ADAMTSL1: variants seen among roughly 807,000 people sequenced by gnomAD.
ADAMTSL1 encodes the protein ADAMTS like 1, also known as ADAMTS-like protein 1.
Under a neutral mutation model 201.8 loss-of-function variants are expected in ADAMTSL1, and 126 were observed. That is an observed-to-expected ratio of 0.62 (90% CI 0.54 to 0.72). The LOEUF (loss-of-function observed/expected upper bound fraction) is 0.72. Ranked by LOEUF, ADAMTSL1 falls within the 30% of genes least tolerant of loss-of-function variation. The probability of loss-of-function intolerance (pLI) is 0.00; values close to 1 mark genes in which losing one functional copy is unlikely to be tolerated. For synonymous variants in ADAMTSL1, 1,121 were observed against 903.4 expected (o/e 1.24, Z -4.32); for missense variants, 2,679 against 2,277.8 (o/e 1.18, Z -3.59).
intron 2 of ADAMTSL1, among the ~76,000 whole-genome samples, chr9:18,434,140 G>C (rs556308906): frequency 8.5e-5 from 13 of 152,208 alleles, no homozygotes; most frequent in African/African-American, 2.6e-4. Context: ...TGTATATTTA[G>C]CCCTACGTTT....
chr9:18,293,282 G>A (rs536482441), intron 2 of ADAMTSL1, among the ~76,000 whole-genome samples: 146 of 152,294 alleles, frequency 9.6e-4, no homozygotes, highest in South Asian at 1.7e-3. Flanking sequence ...TGTTTGTCCC[G>A]TAATGGGATT....
At chr9:18,532,559 T>C (rs1392016865) in intron 2 of ADAMTSL1, among the ~76,000 whole-genome samples, 1 of 152,074 alleles carries the variant, frequency 6.6e-6, no homozygotes, top group African/African-American at 2.4e-5. Context: ...TATTTAATAC[T>C]GTGAGAAAAT....
At chr9:18,388,349 C>T (rs753509170) in intron 2 of ADAMTSL1, among the ~76,000 whole-genome samples, 3 of 152,132 alleles carry the variant, frequency 2.0e-5, no homozygotes, top group Admixed American at 1.3e-4. Flanking sequence ...CAGCTCACTG[C>T]TGCAGCCCTT....
intron 2 of ADAMTSL1, among the ~76,000 whole-genome samples, chr9:18,404,574 T>A (rs764194578): frequency 1.3e-5 from 2 of 152,238 alleles, no homozygotes; most frequent in African/African-American, 2.4e-5. Context: ...CAGGCTTTCC[T>A]TTTCAGCTAC....
intron 4 of ADAMTSL1, among the ~76,000 whole-genome samples, chr9:18,576,301 G>T (rs1822720387): frequency 6.6e-6 from 1 of 152,142 alleles, no homozygotes; most frequent in East Asian, 1.9e-4. Context: ...AGTTTGGCTG[G>T]AGAGCCAGAT....
At position 18,626,870 on chromosome 9, in the gene ADAMTSL1, T is replaced by TCTTA. The variant is rs1564099637; in HGVS notation, c.601+4504_601+4505insACTT. Among the ~76,000 whole-genome samples, 557 of 141,698 alleles carry TCTTA rather than the reference T, an allele frequency of 3.9e-3. 3 individuals are homozygous for TCTTA. Among genetic ancestry groups the TCTTA allele is most frequent in the African/African-American group, 0.014 (530 of 38,672 alleles). 93.0% of individuals were successfully genotyped at this position (141,698 alleles called of 152,430 possible). ...TTCTTTCTTTCTTTCTTTCTTTCTGTCTTTCTTCCTTCCTTCCTTCCTTCC... is the reference window on the plus strand; with the variant it reads ...TTCTTTCTTTCTTTCTTTCTTTCTGTCTTACTTTCTTCCTTCCTTCCTTCCTTCC... On this transcript the variant is annotated intron_variant, in intron 5 of 28. Coordinates refer to ENST00000380548, the MANE Select transcript of ADAMTSL1 (RefSeq NM_001040272.6).
At chr9:18,401,726 C>T (rs777728519) in intron 2 of ADAMTSL1, among the ~76,000 whole-genome samples, 1 of 152,118 alleles carries the variant, frequency 6.6e-6, no homozygotes, top group Non-Finnish European at 1.5e-5. Flanking sequence ...ATTAATAACT[C>T]TCATATTGAT....
At chr9:18,418,449 A>T (rs1431412739) in intron 2 of ADAMTSL1, among the ~76,000 whole-genome samples, 1 of 152,210 alleles carries the variant, frequency 6.6e-6, no homozygotes, top group Non-Finnish European at 1.5e-5. Flanking sequence ...CACAGTTTTG[A>T]TTGTCTATGT....
chr9:18,691,964 T>C (rs954243719), intron 13 of ADAMTSL1, among the ~76,000 whole-genome samples: 30 of 152,348 alleles, frequency 2.0e-4, no homozygotes, highest in African/African-American at 7.2e-4. Flanking sequence ...AACCACTTAA[T>C]ACAAATGGAG....
At chr9:18,116,645 G>C (rs1482188180) in intron 1 of ADAMTSL1, among the ~76,000 whole-genome samples, 1 of 151,914 alleles carries the variant, frequency 6.6e-6, no homozygotes, top group Non-Finnish European at 1.5e-5. Context: ...TGTCTTATCT[G>C]GTGGCTATAA....
At chr9:18,615,662 A>G (rs1288739357) in intron 4 of ADAMTSL1, among the ~76,000 whole-genome samples, 1 of 152,200 alleles carries the variant, frequency 6.6e-6, no homozygotes, top group East Asian at 1.9e-4. Context: ...TATAATCTGA[A>G]CTTGAAATCA....
chr9:18,030,834 T>C (rs1820920912), intron 1 of ADAMTSL1, among the ~76,000 whole-genome samples: 2 of 152,166 alleles, frequency 1.3e-5, no homozygotes, highest in Non-Finnish European at 2.9e-5. Flanking sequence ...CATAATCCCA[T>C]ATTTTTGGAG....
At chr9:18,735,210 C>A (rs1564191759) in intron 15 of ADAMTSL1, among the ~76,000 whole-genome samples, 1 of 152,106 alleles carries the variant, frequency 6.6e-6, no homozygotes. Context: ...TGGTGAAAAA[C>A]TATGGAAGAC....
At chr9:17,986,995 T>C (rs1196295275) in intron 1 of ADAMTSL1, among the ~76,000 whole-genome samples, 1 of 152,134 alleles carries the variant, frequency 6.6e-6, no homozygotes, top group Admixed American at 6.6e-5. Context: ...ATCCTGAAAT[T>C]AAGTACAGAT....
intron 1 of ADAMTSL1, among the ~76,000 whole-genome samples, chr9:17,959,207 A>G (rs1817621621): frequency 6.6e-6 from 1 of 152,202 alleles, no homozygotes; most frequent in South Asian, 2.1e-4. Context: ...ATTTGTGCCT[A>G]GAATTTGGCT....
chr9:18,257,826 A>C (rs142414587), intron 2 of ADAMTSL1, among the ~76,000 whole-genome samples: 1 of 152,242 alleles, frequency 6.6e-6, no homozygotes, highest in African/African-American at 2.4e-5. Flanking sequence ...TGATTCTGAT[A>C]GAGTTATAAT....
intron 2 of ADAMTSL1, among the ~76,000 whole-genome samples, chr9:18,451,165 AC>A (rs1418968247): frequency 6.6e-6 from 1 of 152,214 alleles, no homozygotes; most frequent in East Asian, 1.9e-4. Context: ...TTCAAGGAAA[AC>A]CATTTTATCA....
intron 1 of ADAMTSL1, among the ~76,000 whole-genome samples, chr9:17,985,223 T>C (rs79894775): frequency 0.014 from 2,087 of 152,220 alleles, 41 homozygotes; most frequent in African/African-American, 0.048. Context: ...TGATGGTTAA[T>C]AAGAATTTTG....
intron 5 of ADAMTSL1, 134 bp from the exon 6 acceptor site, chr9:18,635,809 T>A (rs1827074096): frequency 3.0e-6 from 2 of 659,822 alleles, no homozygotes; most frequent in East Asian, 6.3e-5. Flanking sequence ...TTTCTAAATA[T>A]TGGCCTTCAC....
Sources: gnomAD v4.1 joint callset for allele counts (sites outside exome capture counted in the v4.1 genomes callset) on GRCh38, gnomAD v4.1.1 for gene constraint, MANE v1.5 for transcripts, NCBI Gene and HGNC (gene_info 2026-07-23, HGNC 2026-07-21) for gene names.